ANKRD30B: variants seen among roughly 807,000 people sequenced by gnomAD.
ANKRD30B encodes ankyrin repeat domain-containing protein 30B.
ANKRD30B carries 144 observed loss-of-function variants against 202.2 expected under a neutral mutation model. The ratio of observed to expected loss-of-function variants is 0.71; its 90% CI spans 0.62 to 0.82. The LOEUF (loss-of-function observed/expected upper bound fraction) is 0.82. ANKRD30B is among the 40% of genes least tolerant of loss of function. The probability of loss-of-function intolerance (pLI) is 0.00; values close to 1 mark genes in which losing one functional copy is unlikely to be tolerated. For synonymous variants in ANKRD30B, 508 were observed against 561.3 expected (o/e 0.91, Z 1.34); for missense variants, 1,487 against 1,669.1 (o/e 0.89, Z 1.90).
chr18:14,928,949 TC>T, the ANKRD30B span, among the ~76,000 whole-genome samples: 1 of 152,194 alleles, frequency 6.6e-6, no homozygotes, highest in Non-Finnish European at 1.5e-5. Context: ...CAGCTGCCAT[TC>T]CAGTCTTTCT....
At chr18:14,758,202 AT>A (rs1225216738) in intron 5 of ANKRD30B, among the ~76,000 whole-genome samples, 1 of 151,972 alleles carries the variant, frequency 6.6e-6, no homozygotes, top group Non-Finnish European at 1.5e-5. Flanking sequence ...CACAATTTTG[AT>A]TTTTCTAATT....
the ANKRD30B span, among the ~76,000 whole-genome samples, chr18:14,864,673 C>T: frequency 3.2e-5 from 4 of 124,440 alleles, no homozygotes; most frequent in African/African-American, 6.3e-5. Flanking sequence ...TCATCATCCT[C>T]TTTTGCTCCT....
chr18:14,896,488 T>C, the ANKRD30B span, among the ~76,000 whole-genome samples: 1 of 151,198 alleles, frequency 6.6e-6, no homozygotes, highest in African/African-American at 2.4e-5. Context: ...ATTCTACTAA[T>C]TTTTAAATGC....
the ANKRD30B span, among the ~76,000 whole-genome samples, chr18:14,885,347 G>GC: frequency 1.4e-3 from 211 of 152,094 alleles, no homozygotes; most frequent in East Asian, 8.1e-3. Context: ...TGCATGATAA[G>GC]CCCTGCAAGT....
At chr18:14,910,410 G>A in the ANKRD30B span, among the ~76,000 whole-genome samples, 79,661 of 151,272 alleles carry the variant, frequency 0.53, 21,292 homozygotes, top group African/African-American at 0.6. Context: ...AAAAAGACAT[G>A]ATTTTTCATT....
the ANKRD30B span, among the ~76,000 whole-genome samples, chr18:14,932,486 G>T: frequency 6.6e-6 from 1 of 152,042 alleles, no homozygotes; most frequent in Non-Finnish European, 1.5e-5. Flanking sequence ...ACAGGCGCCC[G>T]CCACCGCGCC....
At chr18:14,751,477 C>T (rs1913442365) in intron 1 of ANKRD30B, among the ~76,000 whole-genome samples, 1 of 152,032 alleles carries the variant, frequency 6.6e-6, no homozygotes, top group African/African-American at 2.4e-5. Context: ...CTCAATTAAG[C>T]TTTTCCTCTC....
At chr18:14,865,604 C>T in the ANKRD30B span, among the ~76,000 whole-genome samples, 1 of 151,432 alleles carries the variant, frequency 6.6e-6, no homozygotes, top group African/African-American at 2.4e-5. Flanking sequence ...TTTCCCCCTC[C>T]ATCTACCCCC....
chr18:14,766,957 A>G (rs759536827), intron 7 of ANKRD30B, among the ~76,000 whole-genome samples: 5 of 152,168 alleles, frequency 3.3e-5, no homozygotes, highest in Admixed American at 6.5e-5. Flanking sequence ...GTTCAAAAGA[A>G]TTATTTTAGG....
the ANKRD30B span, among the ~76,000 whole-genome samples, chr18:14,921,460 A>G: frequency 6.6e-6 from 1 of 152,150 alleles, no homozygotes; most frequent in African/African-American, 2.4e-5. Context: ...TGAGCAGGAG[A>G]CACAACCCAA....
At chr18:14,854,750 A>G (rs1390195633), downstream of ANKRD30B, among the ~76,000 whole-genome samples, 1 of 151,792 alleles carries the variant, frequency 6.6e-6, no homozygotes, top group Non-Finnish European at 1.5e-5. Context: ...TTGGTTCAGG[A>G]TACTTTCTCC....
In ANKRD30B at chr18:14,820,899, C is replaced by T. The variant is rs575808325; in HGVS notation, c.2642-1584C>T. Reference sequence around the variant, plus strand: ...TCATAAAATGAGTTAGGGAGGATTCCCTCTTTTTCTATTGATTGGAATAGT... The same window carrying T: ...TCATAAAATGAGTTAGGGAGGATTCTCTCTTTTTCTATTGATTGGAATAGT... On this transcript the variant is annotated intron_variant, in intron 30 of 43. Transcript: ENST00000690538. Among the ~76,000 whole-genome samples, 688 of 152,174 alleles carry T rather than the reference C, an allele frequency of 4.5e-3. 1 individual carries two copies. The highest frequency in any genetic ancestry group is 7.4e-3 in the Non-Finnish European group (502 of 67,996).
chr18:14,815,873 G>C (rs1970070580), intron 30 of ANKRD30B, among the ~76,000 whole-genome samples: 1 of 152,114 alleles, frequency 6.6e-6, no homozygotes, highest in African/African-American at 2.4e-5. Context: ...AGATGGCTAA[G>C]CTACAAAGTA....
rs756786397 is a variant in ANKRD30B, at chr18:14,752,562, G to T, written c.222-4G>T. ...TTTGCCTAAAAGTCCTCTCACTCTCGTAGGACTGCTCTACACTGGGCCTGT... is the reference window on the plus strand; with the variant it reads ...TTTGCCTAAAAGTCCTCTCACTCTCTTAGGACTGCTCTACACTGGGCCTGT... On this transcript the variant is annotated splice_region_variant and splice_polypyrimidine_tract_variant and intron_variant, in intron 1 of 43. Coordinates refer to ENST00000690538, the MANE Select transcript of ANKRD30B (RefSeq NM_001367607.2). 1.1e-5 allele frequency: 18 copies of T among 1,608,364 alleles called. 1 individual carries two copies. The South Asian group carries it at 1.7e-4, about 15-fold the overall frequency.
At chr18:14,855,607 G>T (rs1317776442), downstream of ANKRD30B, among the ~76,000 whole-genome samples, 2 of 151,136 alleles carry the variant, frequency 1.3e-5, no homozygotes, top group African/African-American at 2.4e-5. Flanking sequence ...CTGGGAAGAG[G>T]CACTCCTCAC....
At position 14,752,640 on chromosome 18, in the gene ANKRD30B, T is replaced by G; in HGVS notation, c.296T>G (p.Leu99Arg). The G allele has an allele frequency of 8.1e-6, 13 of 1,610,390 alleles. No homozygotes were observed. The highest frequency in any genetic ancestry group is 1.1e-5 in the Non-Finnish European group (13 of 1,177,892). The stretch of plus-strand genomic sequence containing the variant: ...TTTCTGGTAGACAGAAAGTGCCAGC[T>G]TAATGTCCTTGATGGCGAAGGGAGG... ...VTFLVDRKCQ[L>R]NVLDGEGRTP... The change falls in exon 2 of 44, where the codon CTT becomes CGT. Residue 99 changes from leucine (L) to arginine (R), a missense_variant. Leu to Arg is a moderately radical substitution (Grantham distance 102). Coordinates refer to ENST00000690538, the MANE Select transcript of ANKRD30B (RefSeq NM_001367607.2).
chr18:14,932,485 C>T, the ANKRD30B span, among the ~76,000 whole-genome samples: 34 of 152,166 alleles, frequency 2.2e-4, no homozygotes, highest in East Asian at 4.9e-3. Flanking sequence ...TACAGGCGCC[C>T]GCCACCGCGC....
chr18:14,839,198 C>T (rs1026280761), intron 36 of ANKRD30B, among the ~76,000 whole-genome samples: 4 of 152,166 alleles, frequency 2.6e-5, no homozygotes, highest in African/African-American at 9.7e-5. Flanking sequence ...ATGAAAAACA[C>T]TTATAAATTA....
intron 1 of ANKRD30B, among the ~76,000 whole-genome samples, chr18:14,751,210 T>G (rs951964556): frequency 1.3e-5 from 2 of 152,022 alleles, no homozygotes; most frequent in Non-Finnish European, 2.9e-5. Flanking sequence ...AGATTAATCA[T>G]TTTAGTGTAG....
Sources: gnomAD v4.1 joint callset for allele counts (sites outside exome capture counted in the v4.1 genomes callset) on GRCh38, gnomAD v4.1.1 for gene constraint, MANE v1.5 for transcripts, NCBI Gene and HGNC (gene_info 2026-07-23, HGNC 2026-07-21) for gene names.